PAPPA: variants seen among roughly 807,000 people sequenced by gnomAD.
PAPPA encodes pappalysin-1.
PAPPA carries 60 observed loss-of-function variants against 164.0 expected under a neutral mutation model. The observed-to-expected ratio is 0.37, with a 90% CI of 0.30 to 0.45. The LOEUF (loss-of-function observed/expected upper bound fraction) is 0.45, where lower values mean the gene tolerates loss of function less well. Among genes scored for constraint, PAPPA ranks in the 20% least tolerant of loss-of-function variants. The probability of loss-of-function intolerance (pLI) is 1.00; values close to 1 mark genes in which losing one functional copy is unlikely to be tolerated. For synonymous variants in PAPPA, 875 were observed against 814.1 expected (o/e 1.07, Z -1.27); for missense variants, 1,782 against 2,087.3 (o/e 0.85, Z 2.85).
intron 1 of PAPPA, among the ~76,000 whole-genome samples, chr9:116,186,094 A>G (rs1187863583): frequency 2.6e-5 from 4 of 152,142 alleles, no homozygotes; most frequent in African/African-American, 7.2e-5. Context: ...GTTAGTGCAT[A>G]TACAGACCTT....
At chr9:116,208,527 C>T (rs761802773) in intron 3 of PAPPA, among the ~76,000 whole-genome samples, 1 of 152,132 alleles carries the variant, frequency 6.6e-6, no homozygotes, top group East Asian at 1.9e-4. Context: ...AAGGGCACTG[C>T]CATTTATTTA....
At chr9:116,351,613 TAGAC>T (rs1232848879) in intron 15 of PAPPA, among the ~76,000 whole-genome samples, 1 of 152,196 alleles carries the variant, frequency 6.6e-6, no homozygotes. Flanking sequence ...TCTCTGTAGT[TAGAC>T]AGAATTTGTT....
chr9:116,214,098 A>G (rs964306886), intron 4 of PAPPA, among the ~76,000 whole-genome samples: 6 of 152,230 alleles, frequency 3.9e-5, no homozygotes, highest in African/African-American at 1.4e-4. Context: ...GAAGATAGAC[A>G]TAGTTTATAT....
At chr9:116,345,909 G>A (rs1315631690) in intron 14 of PAPPA, among the ~76,000 whole-genome samples, 1 of 152,164 alleles carries the variant, frequency 6.6e-6, no homozygotes, top group East Asian at 1.9e-4. Context: ...ATTTTCCAGG[G>A]CTGGTCAGTG....
At chr9:116,368,691 AAAG>A (rs1425392354) in intron 19 of PAPPA, among the ~76,000 whole-genome samples, 2 of 152,180 alleles carry the variant, frequency 1.3e-5, no homozygotes, top group Admixed American at 1.3e-4. Context: ...GGAGAAACCG[AAAG>A]AAGGAGGCCG....
intron 9 of PAPPA, among the ~76,000 whole-genome samples, chr9:116,289,302 A>G (rs574164070): frequency 3.6e-4 from 51 of 139,782 alleles, no homozygotes; most frequent in Middle Eastern, 3.8e-3. Flanking sequence ...GCATATATAT[A>G]GCATATATAT....
intron 20 of PAPPA, among the ~76,000 whole-genome samples, chr9:116,378,903 C>A (rs1035012019): frequency 6.6e-6 from 1 of 152,168 alleles, no homozygotes; most frequent in Non-Finnish European, 1.5e-5. Context: ...GAGGGATTTC[C>A]TGAGGGCACT....
intron 10 of PAPPA, among the ~76,000 whole-genome samples, chr9:116,318,040 G>A (rs1845808488): frequency 6.6e-6 from 1 of 152,122 alleles, no homozygotes; most frequent in South Asian, 2.1e-4. Context: ...TCACGCCTCC[G>A]CTGTTGACAT....
At chr9:116,197,506 T>G (rs997447159) in intron 2 of PAPPA, among the ~76,000 whole-genome samples, 6 of 152,254 alleles carry the variant, frequency 3.9e-5, no homozygotes, top group South Asian at 2.1e-4. Context: ...TCTGCTATTT[T>G]ATTTTCCCTT....
chr9:116,267,941 G>A (rs1845091304), intron 8 of PAPPA, among the ~76,000 whole-genome samples: 1 of 145,218 alleles, frequency 6.9e-6, no homozygotes, highest in African/African-American at 2.5e-5. Flanking sequence ...TGGCACTGAT[G>A]AGGCAAGTAA....
Position 116,207,610 on chromosome 9 carries a change from T to A in PAPPA, c.1624+9T>A, listed in dbSNP as rs1311746825. 3.7e-6 allele frequency: 6 copies of A among 1,609,606 alleles called. No homozygotes were observed. In the South Asian group the frequency reaches 6.6e-5, roughly 18 times the overall value. On this transcript the variant is annotated intron_variant, in intron 3 of 21. Coordinates refer to ENST00000328252, the MANE Select transcript of PAPPA (RefSeq NM_002581.5). ...GGCCCTGATGCACTTAGGTGAGTCT[T>A]AGAAACTCCTTCAGGAGGCAACTAG...
chr9:116,264,166 CCA>C (rs1425065791), intron 7 of PAPPA, among the ~76,000 whole-genome samples: 2 of 152,128 alleles, frequency 1.3e-5, no homozygotes, highest in Non-Finnish European at 2.9e-5. Flanking sequence ...CCACCCCACT[CCA>C]GTTTTAGAAT....
chr9:116,233,073 G>A (rs951418009), intron 6 of PAPPA, among the ~76,000 whole-genome samples: 1 of 152,238 alleles, frequency 6.6e-6, no homozygotes, highest in Non-Finnish European at 1.5e-5. Context: ...CAGGAAGCAT[G>A]CTTTAATGTT....
At chr9:116,332,026 A>AT (rs908833609) in intron 11 of PAPPA, among the ~76,000 whole-genome samples, 17 of 151,914 alleles carry the variant, frequency 1.1e-4, no homozygotes, top group African/African-American at 3.9e-4. Flanking sequence ...GTACCTGTTG[A>AT]TTTTTTTATT....
chr9:116,245,351 T>C (rs767174410), intron 7 of PAPPA, among the ~76,000 whole-genome samples: 15 of 152,172 alleles, frequency 9.9e-5, no homozygotes, highest in Admixed American at 1.3e-4. Context: ...TTGTGGCTCA[T>C]GTTGAGTTTA....
At chr9:116,243,229 A>G (rs1564196538) in intron 7 of PAPPA, among the ~76,000 whole-genome samples, 1 of 152,238 alleles carries the variant, frequency 6.6e-6, no homozygotes, top group Non-Finnish European at 1.5e-5. Flanking sequence ...ACCATGACAC[A>G]TTCTGAAGAT....
chr9:116,176,446 G>A (rs1171644472), intron 1 of PAPPA, among the ~76,000 whole-genome samples: 1 of 152,146 alleles, frequency 6.6e-6, no homozygotes, highest in Non-Finnish European at 1.5e-5. Flanking sequence ...TAATTATGAT[G>A]GATTAAGCAC....
rs12002113 is a variant in PAPPA at position 116,304,378 on chromosome 9, C to T, written c.3147+1428C>T. 5.8e-3 allele frequency among the ~76,000 whole-genome samples: 882 copies of T among 152,334 alleles called. 9 individuals carry two copies. Among genetic ancestry groups the T allele is most frequent in the African/African-American group, 0.02 (823 of 41,566 alleles). On this transcript the variant is annotated intron_variant, in intron 10 of 21. Transcript: ENST00000328252. ...GAACGACACTGACAGAAAACACTCA[C>T]GCATTGCCTCTCTATCACATAGAAT...
Position 116,271,381 on chromosome 9 carries a change from T to G in PAPPA, c.2918T>G (p.Leu973Arg), listed in dbSNP as rs1587980883. ...AAGATCAATGGTGATGGCTGCTCCC[T>G]TTTCTGCCGACAAGAAGTCTCCTTC... Reference protein sequence around the residue: ...MNKINGDGCSLFCRQEVSFNC... With the variant: ...MNKINGDGCSRFCRQEVSFNC... Residue 973 changes from leucine (L) to arginine (R), a missense_variant, in exon 9 of 22, where the codon CTT becomes CGT. Coordinates refer to ENST00000328252, the MANE Select transcript of PAPPA (RefSeq NM_002581.5). The surrounding 1 kb of genome is among the most constrained non-coding windows in gnomAD (Gnocchi z 4.2). 6.2e-7 allele frequency: 1 copy of G among 1,613,112 alleles called. No homozygotes were observed. The highest frequency in any genetic ancestry group is 8.5e-7 in the Non-Finnish European group (1 of 1,179,064).
Sources: allele counts gnomAD v4.1 joint callset (sites outside exome capture counted in the v4.1 genomes callset), GRCh38; gene constraint gnomAD v4.1.1; non-coding constraint Gnocchi (gnomAD v3.1); transcripts MANE v1.5; gene names NCBI Gene and HGNC (gene_info 2026-07-23, HGNC 2026-07-21).